DIP2A: variants seen among roughly 807,000 people sequenced by gnomAD.
DIP2A encodes the protein disco-interacting protein 2 homolog A.
A neutral mutation model predicts 177.4 loss-of-function variants in DIP2A; 85 were observed. The observed-to-expected ratio is 0.48, with a 90% CI of 0.40 to 0.57. The LOEUF (loss-of-function observed/expected upper bound fraction) is 0.57. Ranked by LOEUF, DIP2A falls within the 20% of genes least tolerant of loss-of-function variation. DIP2A has a pLI of 0.00. For synonymous variants in DIP2A, 886 were observed against 881.8 expected (o/e 1.00, Z -0.08); for missense variants, 1,791 against 2,100.2 (o/e 0.85, Z 2.88).
intron 32 of DIP2A, 27 bp downstream of exon 32, chr21:46,558,420 G>A (rs2060548423): frequency 1.9e-6 from 3 of 1,557,154 alleles, no homozygotes; most frequent in Non-Finnish European, 2.6e-6. Flanking sequence ...TGCGGTTCTC[G>A]AAAGCTGGCT....
At chr21:46,532,292 C>A in intron 10 of DIP2A, 55 bp downstream of exon 10, 1 of 1,410,208 alleles carries the variant, frequency 7.1e-7, no homozygotes, top group Non-Finnish European at 9.9e-7. Context: ...TTGATACCAG[C>A]AGTATCTTAC....
downstream of DIP2A, among the ~76,000 whole-genome samples, chr21:46,570,809 G>C (rs2060955341): frequency 6.6e-6 from 1 of 152,160 alleles, no homozygotes; most frequent in Admixed American, 6.5e-5. Flanking sequence ...AATACTTGAA[G>C]AAATAATGGC....
At chr21:46,577,653 T>C in the DIP2A span, among the ~76,000 whole-genome samples, 1 of 152,250 alleles carries the variant, frequency 6.6e-6, no homozygotes, top group Non-Finnish European at 1.5e-5. Flanking sequence ...AATAGCTTTT[T>C]TTCTAATTAT....
chr21:46,581,982 T>C, the DIP2A span, among the ~76,000 whole-genome samples: 2 of 152,230 alleles, frequency 1.3e-5, no homozygotes, highest in East Asian at 1.9e-4. Flanking sequence ...GTGGGTGCAC[T>C]GCACTGGAGG....
intron 1 of DIP2A, among the ~76,000 whole-genome samples, chr21:46,465,784 A>G (rs1231845025): frequency 6.6e-6 from 1 of 152,206 alleles, no homozygotes; most frequent in Non-Finnish European, 1.5e-5. Flanking sequence ...TTTCATGAGG[A>G]AATGGGAAGT....
intron 5 of DIP2A, 62 bp from the exon 6 acceptor site, chr21:46,504,299 G>A: frequency 6.3e-7 from 1 of 1,596,910 alleles, no homozygotes; most frequent in South Asian, 1.1e-5. Context: ...GGTTTCAAGA[G>A]CAGCTTAATA....
intron 2 of DIP2A, among the ~76,000 whole-genome samples, chr21:46,488,890 T>A (rs987338838): frequency 3.3e-5 from 5 of 152,228 alleles, no homozygotes; most frequent in African/African-American, 1.2e-4. Context: ...AGGATGCATA[T>A]TTTGGAATAC....
intron 3 of DIP2A, among the ~76,000 whole-genome samples, chr21:46,495,597 C>T (rs917449953): frequency 4.6e-5 from 7 of 151,940 alleles, no homozygotes; most frequent in African/African-American, 1.7e-4. Context: ...TTCCTTCCTT[C>T]CCTTTCTTTC....
intron 5 of DIP2A, among the ~76,000 whole-genome samples, chr21:46,500,709 C>T (rs2057601779): frequency 6.6e-6 from 1 of 152,232 alleles, no homozygotes; most frequent in South Asian, 2.1e-4. Context: ...AGCCACAGTT[C>T]AGAATGTTTA....
intron 8 of DIP2A, among the ~76,000 whole-genome samples, chr21:46,519,264 A>G (rs1417932328): frequency 6.6e-6 from 1 of 152,186 alleles, no homozygotes; most frequent in Non-Finnish European, 1.5e-5. Context: ...CTGTTTTATC[A>G]GTAAGGTCTT....
At chr21:46,496,665 A>C (rs939987697) in intron 3 of DIP2A, among the ~76,000 whole-genome samples, 3 of 152,240 alleles carry the variant, frequency 2.0e-5, no homozygotes, top group East Asian at 1.9e-4. Context: ...TATGAGGCCC[A>C]TGGGCCACGG....
At chr21:46,513,899 G>A (rs1270862192) in intron 8 of DIP2A, among the ~76,000 whole-genome samples, 1 of 152,098 alleles carries the variant, frequency 6.6e-6, no homozygotes, top group African/African-American at 2.4e-5. Context: ...AAGCATTTCG[G>A]ATAAGGGATA....
In DIP2A at chr21:46,521,249, C is replaced by G. The variant is rs8130568; in HGVS notation, c.1103-7843C>G. ...TGTCACCCAGGTTGAAGTGCAGTGG[C>G]GTGATCTCGGCTCACTGCAACCTCC... On this transcript the variant is annotated intron_variant, in intron 8 of 37. Coordinates refer to ENST00000417564, the MANE Select transcript of DIP2A (RefSeq NM_015151.4). 1.7e-3 allele frequency among the ~76,000 whole-genome samples: 260 copies of G among 152,174 alleles called. 3 individuals carry two copies. Among genetic ancestry groups the G allele is most frequent in the African/African-American group, 5.9e-3 (244 of 41,520 alleles).
chr21:46,496,977 T>C lies in DIP2A; in HGVS notation c.284-11T>C. 2.5e-6 allele frequency: 4 copies of C among 1,606,382 alleles called. No individual in the cohort carries two copies. The highest frequency in any genetic ancestry group is 3.4e-6 in the Non-Finnish European group (4 of 1,177,848). On this transcript the variant is annotated splice_polypyrimidine_tract_variant and intron_variant, in intron 3 of 37. Transcript: ENST00000417564. ...GTAAAAAGTATTTTTACTGCTGTCC[T>C]TCCTGTGTAGATGTCCACACTGAAG...
intron 8 of DIP2A, among the ~76,000 whole-genome samples, chr21:46,514,783 CTTGT>C (rs1248543286): frequency 6.6e-6 from 1 of 151,626 alleles, no homozygotes; most frequent in African/African-American, 2.4e-5. Context: ...GTTTTGTTTG[CTTGT>C]TTGTTGGTAG....
intron 1 of DIP2A, among the ~76,000 whole-genome samples, chr21:46,470,401 G>A (rs1474716002): frequency 6.6e-6 from 1 of 151,800 alleles, no homozygotes; most frequent in Non-Finnish European, 1.5e-5. Flanking sequence ...TTGAACCCAG[G>A]AGGCGGAGGT....
intron 32 of DIP2A, among the ~76,000 whole-genome samples, chr21:46,559,737 C>G (rs186040214): frequency 2.6e-5 from 4 of 152,364 alleles, no homozygotes; most frequent in Non-Finnish European, 5.9e-5. Context: ...TTTGCTCTCT[C>G]TTTCCCTGTG....
chr21:46,570,481 G>A (rs8132727), downstream of DIP2A, among the ~76,000 whole-genome samples: 9,592 of 152,230 alleles, frequency 0.063, 827 homozygotes, highest in African/African-American at 0.19. Context: ...TTACTGACAT[G>A]TAGGAGTCTC....
rs941762313 is a variant in DIP2A at position 46,477,001 on chromosome 21, C to T, written c.92-7756C>T. ...TGGAAGTTGACGTACCCCTGCTAGGCCGTGGATATGTAAAAAGGATCATTT... is the reference window on the plus strand; with the variant it reads ...TGGAAGTTGACGTACCCCTGCTAGGTCGTGGATATGTAAAAAGGATCATTT... On this transcript the variant is annotated intron_variant, in intron 1 of 37. Transcript: ENST00000417564. Among the ~76,000 whole-genome samples the T allele has an allele frequency of 2.6e-5, 4 of 152,100 alleles. No homozygotes were observed. The East Asian group carries it at 7.7e-4, about 29-fold the overall frequency.
Sources: allele counts gnomAD v4.1 joint callset (sites outside exome capture counted in the v4.1 genomes callset), GRCh38; gene constraint gnomAD v4.1.1; transcripts MANE v1.5; gene names NCBI Gene and HGNC (gene_info 2026-07-23, HGNC 2026-07-21).